FYB1: variants seen among roughly 807,000 people sequenced by gnomAD.
FYB1 encodes FYN-binding protein 1.
In FYB1, 41 loss-of-function variants were observed where a neutral mutation model predicts 94.1. That is an observed-to-expected ratio of 0.44 (90% CI 0.34 to 0.57). The LOEUF (loss-of-function observed/expected upper bound fraction) is 0.57, where lower values mean the gene tolerates loss of function less well. FYB1 is among the 20% of genes least tolerant of loss of function. FYB1 has a pLI of 0.02. For missense variants in FYB1, 1,050 were observed against 976.8 expected, an observed-to-expected ratio of 1.07 and a Z score of -1.00; for synonymous variants, 367 against 353.2, an observed-to-expected ratio of 1.04 and a Z score of -0.44.
At chr5:39,265,408 C>T (rs552068767) in intron 1 of FYB1, among the ~76,000 whole-genome samples, 42 of 151,226 alleles carry the variant, frequency 2.8e-4, no homozygotes, top group African/African-American at 9.2e-4. Flanking sequence ...GGCGTGAACC[C>T]GGGAGGCGGA....
At chr5:39,213,050 A>G (rs545489582) in intron 1 of FYB1, 5 of 151,816 alleles carry the variant, frequency 3.3e-5, no homozygotes, top group African/African-American at 9.7e-5. Flanking sequence ...AACTCTACAT[A>G]TACTCATATA....
rs762792496 is a variant in FYB1, at chr5:39,153,586, G to A, written c.1154C>T (p.Thr385Met). The change falls in exon 3 of 19, where the codon ACG becomes ATG. Residue 385 changes from threonine to methionine, a missense_variant. Transcript: ENST00000512982. ...SSGNSTSKGQ[T>M]SYSTTSLPPP... ...TGGCAGGGAAGTTGTTGAGTAAGACGTCTGGCCTTTGCTAGTACCTAAGAA... is the reference window on the plus strand; with the variant it reads ...TGGCAGGGAAGTTGTTGAGTAAGACATCTGGCCTTTGCTAGTACCTAAGAA... The A allele has an allele frequency of 4.3e-5, 70 of 1,613,024 alleles. No homozygotes were observed. The highest frequency in any genetic ancestry group is 3.3e-4 in the Middle Eastern group (2 of 6,078).
intron 3 of FYB1, among the ~76,000 whole-genome samples, chr5:39,145,916 T>C (rs1742606798): frequency 6.7e-6 from 1 of 148,278 alleles, no homozygotes. Flanking sequence ...TTTTTTCTTT[T>C]TTTTTCTTTT....
rs569188414 is a variant in FYB1, at chr5:39,262,838, T to A, written c.-28+11565A>T. ...AAAATCTGGGCAAAACAATACTATA[T>A]GTTTGGAGATATTATAAGTTTTATG... is the stretch of plus-strand genomic sequence containing the variant. On this transcript the variant is annotated intron_variant, in intron 1 of 1. Coordinates refer to the FYB1 transcript ENST00000510188. Among the ~76,000 whole-genome samples the A allele has an allele frequency of 2.0e-5, 3 of 152,046 alleles. No individual in the cohort carries two copies. In the South Asian group the frequency reaches 6.2e-4, roughly 32 times the overall value.
chr5:39,190,340 G>C (rs1417483680), intron 2 of FYB1, among the ~76,000 whole-genome samples: 2 of 152,164 alleles, frequency 1.3e-5, no homozygotes, highest in African/African-American at 4.8e-5. Flanking sequence ...GAAAATGGGA[G>C]GGAGAAAGTT....
chr5:39,169,360 G>T, intron 2 of FYB1: 3 of 754,644 alleles, frequency 4.0e-6, no homozygotes, highest in Non-Finnish European at 4.9e-6. Flanking sequence ...ATACTAAACC[G>T]GTCAATTGAA....
At chr5:39,154,331 G>A (rs1196631093) in intron 2 of FYB1, among the ~76,000 whole-genome samples, 1 of 151,928 alleles carries the variant, frequency 6.6e-6, no homozygotes. Flanking sequence ...CATATATTGG[G>A]CTTTGGAATT....
intron 1 of FYB1, among the ~76,000 whole-genome samples, chr5:39,208,066 C>T (rs912167219): frequency 1.3e-5 from 2 of 152,124 alleles, no homozygotes; most frequent in African/African-American, 4.8e-5. Flanking sequence ...CTACAAATAA[C>T]TGTATAGAAA....
intron 2 of FYB1, among the ~76,000 whole-genome samples, chr5:39,180,995 G>A (rs1004411338): frequency 3.9e-5 from 6 of 152,116 alleles, no homozygotes; most frequent in African/African-American, 1.2e-4. Flanking sequence ...TCACTCATTC[G>A]TTCAACCAAT....
In FYB1 at chr5:39,191,643, C is replaced by T. The variant is rs180945226; in HGVS notation, c.1135+10183G>A. ...GCAATTTAAACAAAGAGACATATTT[C>T]TTATCTATTTACTAGTGGTTAATAT... On this transcript the variant is annotated intron_variant, in intron 2 of 18. Coordinates refer to ENST00000512982, the MANE Select transcript of FYB1 (RefSeq NM_001465.6). Among the ~76,000 whole-genome samples the T allele has an allele frequency of 4.5e-3, 689 of 152,284 alleles. 3 individuals carry two copies. The highest frequency in any genetic ancestry group is 0.014 in the African/African-American group (574 of 41,564).
chr5:39,199,431 A>AT (rs1748122306), intron 2 of FYB1, among the ~76,000 whole-genome samples: 2 of 152,284 alleles, frequency 1.3e-5, no homozygotes, highest in Non-Finnish European at 2.9e-5. Flanking sequence ...ACACGAGTTT[A>AT]TTTTCTGCAG....
intron 2 of FYB1, among the ~76,000 whole-genome samples, chr5:39,199,341 G>A (rs1748114520): frequency 6.6e-5 from 10 of 152,062 alleles, no homozygotes; most frequent in Admixed American, 5.2e-4. Context: ...AAGAAAAATA[G>A]CAGTGGCAGG....
At chr5:39,124,079 C>T (rs907225277) in intron 13 of FYB1, among the ~76,000 whole-genome samples, 174 bp downstream of exon 13, 1 of 152,098 alleles carries the variant, frequency 6.6e-6, no homozygotes, top group African/African-American at 2.4e-5. Flanking sequence ...TCTCATCTTG[C>T]TATTTTATCA....
At chr5:39,136,226 C>G (rs911500973) in intron 7 of FYB1, among the ~76,000 whole-genome samples, 1 of 151,894 alleles carries the variant, frequency 6.6e-6, no homozygotes, top group African/African-American at 2.4e-5. Flanking sequence ...CCCGCCACCA[C>G]GCCTGGCCAG....
intron 1 of FYB1, among the ~76,000 whole-genome samples, chr5:39,243,891 C>G (rs1412017577): frequency 2.0e-5 from 3 of 152,152 alleles, no homozygotes; most frequent in African/African-American, 7.2e-5. Context: ...GTATTTTATT[C>G]TCTTTGAAGC....
At chr5:39,170,716 T>A (rs1745177358) in intron 2 of FYB1, among the ~76,000 whole-genome samples, 1 of 152,158 alleles carries the variant, frequency 6.6e-6, no homozygotes, top group African/African-American at 2.4e-5. Context: ...ACATTCCTCT[T>A]CATTATGGCT....
At chr5:39,270,112 A>T (rs1415513736) in intron 1 of FYB1, among the ~76,000 whole-genome samples, 1 of 152,106 alleles carries the variant, frequency 6.6e-6, no homozygotes, top group Non-Finnish European at 1.5e-5. Context: ...TAATTAAAAT[A>T]AAAAAATACA....
At chr5:39,223,216 C>A (rs1458235641), upstream of FYB1, among the ~76,000 whole-genome samples, 1 of 152,050 alleles carries the variant, frequency 6.6e-6, no homozygotes, top group African/African-American at 2.4e-5. Context: ...TACAGGCAAC[C>A]AATTTTCTGA....
intron 3 of FYB1, among the ~76,000 whole-genome samples, chr5:39,150,676 A>G (rs2562613): frequency 0.035 from 5,255 of 152,186 alleles, 296 homozygotes; most frequent in African/African-American, 0.12. Context: ...CCCATTCTAG[A>G]TTCCCATTTT....
Sources: allele counts gnomAD v4.1 joint callset (sites outside exome capture counted in the v4.1 genomes callset), GRCh38; gene constraint gnomAD v4.1.1; transcripts MANE v1.5; gene names NCBI Gene and HGNC (gene_info 2026-07-23, HGNC 2026-07-21).